Variants in GARIN2 observed in about 807,000 individuals in gnomAD.
The protein encoded by GARIN2 is golgi associated RAB2 interactor family member 2.
chr14:67,204,359 G>A, the GARIN2 span: 1 of 457,268 alleles, frequency 2.2e-6, no homozygotes, highest in African/African-American at 2.1e-5. Context: ...GGACCACTTA[G>A]GCACAGGAAG....
At chr14:67,199,682 C>T in the GARIN2 span, 1 of 1,583,754 alleles carries the variant, frequency 6.3e-7, no homozygotes, top group Non-Finnish European at 8.7e-7. Context: ...TGACCGCCCT[C>T]ATCAGCTGTT....
the GARIN2 span, among the ~76,000 whole-genome samples, chr14:67,202,625 G>A: frequency 1.5e-3 from 228 of 152,222 alleles, 3 homozygotes; most frequent in East Asian, 0.032. Context: ...TTGGCTCTAT[G>A]GAATTTAAAC....
chr14:67,199,271 A>G, the GARIN2 span: 1 of 1,600,000 alleles, frequency 6.3e-7, no homozygotes, highest in East Asian at 2.2e-5. Context: ...TGACTATGCC[A>G]TTAAGATCAT....
chr14:67,211,785 T>C, the GARIN2 span, among the ~76,000 whole-genome samples: 4,597 of 152,140 alleles, frequency 0.03, 87 homozygotes, highest in Non-Finnish European at 0.036. Flanking sequence ...TTTGAAGTTT[T>C]GGTGAGCATG....
the GARIN2 span, among the ~76,000 whole-genome samples, chr14:67,196,223 C>CTTTTTTTTTTTTT: frequency 4.2e-5 from 6 of 143,136 alleles, no homozygotes; most frequent in Non-Finnish European, 7.7e-5. Flanking sequence ...TTCTTTCTTT[C>CTTTTTTTTTTTTT]TTTTTTTTTT....
At chr14:67,191,233 C>CA in the GARIN2 span, among the ~76,000 whole-genome samples, 2,887 of 149,644 alleles carry the variant, frequency 0.019, 38 homozygotes, top group Middle Eastern at 0.024. Context: ...GACTCCGTCT[C>CA]AAAAAAAAAC....
the GARIN2 span, chr14:67,199,977 G>A: frequency 8.7e-7 from 1 of 1,150,728 alleles, no homozygotes; most frequent in Non-Finnish European, 1.2e-6. Context: ...ATCCAGGGAT[G>A]TCTCAGATGC....
At chr14:67,193,406 T>TA in the GARIN2 span, among the ~76,000 whole-genome samples, 1 of 141,404 alleles carries the variant, frequency 7.1e-6, no homozygotes, top group African/African-American at 2.5e-5. Flanking sequence ...TCTAGATATA[T>TA]ATCTATATAT....
chr14:67,204,819 C>T, the GARIN2 span: 1 of 1,613,802 alleles, frequency 6.2e-7, no homozygotes, highest in Non-Finnish European at 8.5e-7. Flanking sequence ...TCACAGCCAT[C>T]CTGACCCCGT....
chr14:67,222,446 C>T, the GARIN2 span, among the ~76,000 whole-genome samples: 2 of 152,182 alleles, frequency 1.3e-5, no homozygotes, highest in African/African-American at 4.8e-5. Context: ...CGTTTGCCAC[C>T]ACGCCTAACT....
the GARIN2 span, among the ~76,000 whole-genome samples, chr14:67,190,207 G>GCCCA: frequency 1.4e-5 from 2 of 146,658 alleles, no homozygotes; most frequent in Non-Finnish European, 3.0e-5. Flanking sequence ...GAGCCACTGT[G>GCCCA]CCCAGCCTTT....
chr14:67,221,657 G>A, the GARIN2 span: 40 of 1,458,594 alleles, frequency 2.7e-5, no homozygotes, highest in Middle Eastern at 4.8e-4. Flanking sequence ...TTTGCTAAAC[G>A]TGTTTCATTA....
At chr14:67,206,348 T>G in the GARIN2 span, among the ~76,000 whole-genome samples, 1 of 151,892 alleles carries the variant, frequency 6.6e-6, no homozygotes, top group African/African-American at 2.4e-5. Flanking sequence ...AAAATAAAAA[T>G]TAGCCGGTGT....
the GARIN2 span, among the ~76,000 whole-genome samples, chr14:67,225,960 T>TGTGTGTGTGCGC: frequency 8.4e-6 from 1 of 119,756 alleles, no homozygotes; most frequent in Non-Finnish European, 1.6e-5. Context: ...TGTGTGTGTG[T>TGTGTGTGTGCGC]GTGCGCGCGC....
the GARIN2 span, among the ~76,000 whole-genome samples, chr14:67,221,343 A>G: frequency 6.6e-6 from 1 of 152,188 alleles, no homozygotes; most frequent in Non-Finnish European, 1.5e-5. Context: ...CTAACCATCC[A>G]TTTCAGAATT....
At chr14:67,221,379 A>G in the GARIN2 span, among the ~76,000 whole-genome samples, 3 of 152,180 alleles carry the variant, frequency 2.0e-5, no homozygotes, top group African/African-American at 4.8e-5. Flanking sequence ...TTGAAACCCT[A>G]TATTCCCAAC....
the GARIN2 span, chr14:67,201,360 A>G: frequency 9.5e-6 from 4 of 420,250 alleles, no homozygotes; most frequent in Non-Finnish European, 1.9e-5. Flanking sequence ...ATAGAGTGAA[A>G]GAGCCCCAGG....
At chr14:67,224,638 C>A in the GARIN2 span, 1 of 295,966 alleles carries the variant, frequency 3.4e-6, no homozygotes, top group Non-Finnish European at 6.6e-6. Context: ...TTTTTTTTTA[C>A]AGTGAGCCCA....
the GARIN2 span, among the ~76,000 whole-genome samples, chr14:67,193,096 AT>A: frequency 6.9e-6 from 1 of 144,208 alleles, no homozygotes; most frequent in Non-Finnish European, 1.5e-5. Context: ...CTATATCTCT[AT>A]ATATCTCTAT....
Sources: allele counts gnomAD v4.1 joint callset (sites outside exome capture counted in the v4.1 genomes callset), GRCh38; gene constraint gnomAD v4.1.1; transcripts MANE v1.5; gene names NCBI Gene and HGNC (gene_info 2026-07-23, HGNC 2026-07-21).